Variants in FAM185A observed in about 807,000 individuals in gnomAD.
FAM185A encodes the protein protein FAM185A.
Under a neutral mutation model 45.7 loss-of-function variants are expected in FAM185A, and 21 were observed. That is an observed-to-expected ratio of 0.46 (90% CI 0.33 to 0.66). The LOEUF is 0.66. FAM185A is among the 30% of genes least tolerant of loss of function. The probability of loss-of-function intolerance (pLI) is 0.03; values close to 1 mark genes in which losing one functional copy is unlikely to be tolerated. For synonymous variants in FAM185A, 117 were observed against 194.0 expected (o/e 0.60, Z 3.30); for missense variants, 305 against 485.4 (o/e 0.63, Z 3.49).
chr7:102,760,297 T>A (rs1794034456), intron 3 of FAM185A, among the ~76,000 whole-genome samples: 1 of 152,058 alleles, frequency 6.6e-6, no homozygotes, highest in African/African-American at 2.4e-5. Flanking sequence ...AATACCTCTG[T>A]CAGGAAGATA....
the FAM185A span, among the ~76,000 whole-genome samples, chr7:102,850,073 A>C: frequency 6.6e-6 from 1 of 152,166 alleles, no homozygotes; most frequent in Non-Finnish European, 1.5e-5. Flanking sequence ...CTTTTAGATT[A>C]CTGAAAATAA....
chr7:102,802,691 A>G (rs1199811765), intron 7 of FAM185A, among the ~76,000 whole-genome samples: 1 of 152,052 alleles, frequency 6.6e-6, no homozygotes, highest in African/African-American at 2.4e-5. Context: ...AAAGGAAATA[A>G]CCAAGATCAG....
At chr7:102,832,776 G>A in the FAM185A span, 1 of 1,596,200 alleles carries the variant, frequency 6.3e-7, no homozygotes, top group Admixed American at 1.7e-5. Context: ...CCTGATCGCT[G>A]TCCTGCCTTG....
chr7:102,820,702 T>C, the FAM185A span, among the ~76,000 whole-genome samples: 3 of 152,210 alleles, frequency 2.0e-5, no homozygotes, highest in African/African-American at 7.2e-5. Flanking sequence ...GGAAGTCCAA[T>C]ATCATCCCAT....
At chr7:102,805,891 G>T (rs1162229429) in intron 7 of FAM185A, among the ~76,000 whole-genome samples, 1 of 152,032 alleles carries the variant, frequency 6.6e-6, no homozygotes, top group Non-Finnish European at 1.5e-5. Context: ...TAAAAATTTG[G>T]GATCCGCAGA....
intron 1 of FAM185A, among the ~76,000 whole-genome samples, chr7:102,750,898 GTTTT>G (rs761273203): frequency 8.5e-5 from 13 of 152,260 alleles, no homozygotes; most frequent in South Asian, 4.1e-4. Flanking sequence ...ATCTTGTGGG[GTTTT>G]TTGTTTGTTT....
At chr7:102,801,873 G>T (rs1425893920) in intron 7 of FAM185A, among the ~76,000 whole-genome samples, 2 of 150,462 alleles carry the variant, frequency 1.3e-5, no homozygotes, top group Non-Finnish European at 2.9e-5. Context: ...AGTGAGCTGA[G>T]ATCACGCCAT....
At chr7:102,847,205 A>C in the FAM185A span, among the ~76,000 whole-genome samples, 2 of 151,056 alleles carry the variant, frequency 1.3e-5, no homozygotes, top group South Asian at 2.1e-4. Flanking sequence ...AAAACTTTAC[A>C]GGAAAAAAAA....
intron 7 of FAM185A, among the ~76,000 whole-genome samples, chr7:102,799,836 A>C (rs1796669706): frequency 6.6e-6 from 1 of 152,106 alleles, no homozygotes; most frequent in African/African-American, 2.4e-5. Flanking sequence ...AGGTGGAGAG[A>C]GCCCAGTGGC....
the FAM185A span, among the ~76,000 whole-genome samples, chr7:102,821,344 A>C: frequency 6.6e-6 from 1 of 152,116 alleles, no homozygotes; most frequent in Admixed American, 6.5e-5. Context: ...TCTATTTTAC[A>C]AGTAATTTTT....
At chr7:102,838,928 C>T in the FAM185A span, among the ~76,000 whole-genome samples, 16 of 152,140 alleles carry the variant, frequency 1.1e-4, no homozygotes, top group Non-Finnish European at 1.5e-4. Context: ...GCCCGACACC[C>T]GTGAAGGGTC....
intron 5 of FAM185A, among the ~76,000 whole-genome samples, chr7:102,775,134 G>A (rs910239679): frequency 6.6e-5 from 10 of 151,934 alleles, no homozygotes; most frequent in Admixed American, 3.9e-4. Flanking sequence ...TCCACAGTCC[G>A]TTTAGTTAAC....
intron 6 of FAM185A, among the ~76,000 whole-genome samples, chr7:102,784,647 A>C (rs981603173): frequency 2.6e-5 from 4 of 152,318 alleles, no homozygotes; most frequent in African/African-American, 7.2e-5. Flanking sequence ...TCATGCTAAA[A>C]ACTCTCAATA....
chr7:102,827,097 G>C, the FAM185A span: 1 of 452,732 alleles, frequency 2.2e-6, no homozygotes, highest in Non-Finnish European at 4.5e-6. Flanking sequence ...CAAAGGAATG[G>C]AGCAGAAGTC....
intron 1 of FAM185A, among the ~76,000 whole-genome samples, chr7:102,751,034 C>T (rs942451122): frequency 1.3e-5 from 2 of 152,192 alleles, no homozygotes; most frequent in African/African-American, 4.8e-5. Context: ...TCGCCTCCAC[C>T]TCCTGAGTAG....
At position 102,808,442 on chromosome 7, in the gene FAM185A, C is replaced by T. The variant is rs757566707; in HGVS notation, c.*40C>T. 1.7e-6 allele frequency: 2 copies of T among 1,207,664 alleles called. No individual in the cohort carries two copies. The highest frequency in any genetic ancestry group is 1.2e-6 in the Non-Finnish European group (1 of 835,360). The allele number at this position is 1,207,664 out of a possible 1,614,324, so 74.8% of individuals were successfully genotyped here. A position where few individuals can be genotyped will look rare whatever the true frequency, so the allele number is the denominator to read the frequency against. On this transcript the variant is annotated 3_prime_UTR_variant, in exon 8 of 8. Coordinates refer to ENST00000413034, the MANE Select transcript of FAM185A (RefSeq NM_001145268.2). ...GGATTTATGATTTTTAACAATGATT[C>T]GCAGATCTGTGACTACAAAAATGTA...
At chr7:102,814,090 T>TA (rs1490415144), downstream of FAM185A, among the ~76,000 whole-genome samples, 4 of 152,216 alleles carry the variant, frequency 2.6e-5, no homozygotes, top group East Asian at 7.7e-4. Flanking sequence ...AAAATACTGT[T>TA]ATAGTCTTTC....
chr7:102,816,618 T>TA, the FAM185A span, among the ~76,000 whole-genome samples: 6 of 151,974 alleles, frequency 3.9e-5, no homozygotes, highest in Admixed American at 6.6e-5. Context: ...CACGCACCTT[T>TA]AAAAAAAAAT....
chr7:102,815,605 A>T, the FAM185A span, among the ~76,000 whole-genome samples: 1 of 152,086 alleles, frequency 6.6e-6, no homozygotes, highest in Non-Finnish European at 1.5e-5. Flanking sequence ...CTGTAGTACA[A>T]GAGTAGCACA....
Sources: gnomAD v4.1 joint callset for allele counts (sites outside exome capture counted in the v4.1 genomes callset) on GRCh38, gnomAD v4.1.1 for gene constraint, MANE v1.5 for transcripts, NCBI Gene and HGNC (gene_info 2026-07-23, HGNC 2026-07-21) for gene names.